MBD2: variants seen among roughly 807,000 people sequenced by gnomAD.
MBD2 encodes methyl-CpG binding domain protein 2, also known as methyl-CpG-binding domain protein 2.
MBD2 carries 9 observed loss-of-function variants against 39.3 expected under a neutral mutation model. The ratio of observed to expected loss-of-function variants is 0.23; its 90% CI spans 0.14 to 0.40. The LOEUF (loss-of-function observed/expected upper bound fraction) is 0.40. Among genes scored for constraint, MBD2 ranks in the 10% least tolerant of loss-of-function variants. The pLI, the probability that MBD2 is intolerant of heterozygous loss-of-function variation, is 1.00. For missense variants in MBD2, 458 were observed against 532.6 expected, an observed-to-expected ratio of 0.86 and a Z score of 1.38; for synonymous variants, 233 against 211.1, an observed-to-expected ratio of 1.10 and a Z score of -0.90.
intron 3 of MBD2, among the ~76,000 whole-genome samples, chr18:54,185,803 G>T (rs1157248838): frequency 6.6e-6 from 1 of 151,956 alleles, no homozygotes; most frequent in African/African-American, 2.4e-5. Flanking sequence ...ATACAAAAAT[G>T]GCTGGCTACT....
At position 54,208,054 on chromosome 18, in the gene MBD2, A is replaced by AAAC. The variant is rs202240027; in HGVS notation, c.543-2900_543-2898dup. On this transcript the variant is annotated intron_variant, in intron 1 of 6. Coordinates refer to ENST00000256429, the MANE Select transcript of MBD2 (RefSeq NM_003927.5). ...GTCTGTCTCAAAAAACAACAACAAA[A>AAAC]AACAACAACAACAACAAAAAGCTGC... 3.3e-5 allele frequency among the ~76,000 whole-genome samples: 5 copies of AAAC among 151,756 alleles called. No homozygotes were observed. The East Asian group carries it at 5.9e-4, about 18-fold the overall frequency.
intron 2 of MBD2, among the ~76,000 whole-genome samples, chr18:54,195,854 G>C (rs1209273727): frequency 6.6e-6 from 1 of 152,130 alleles, no homozygotes; most frequent in Non-Finnish European, 1.5e-5. Context: ...AATTTAACCT[G>C]TTAAGTTTTC....
intron 5 of MBD2, among the ~76,000 whole-genome samples, chr18:54,163,306 A>T (rs1346225481): frequency 1.3e-5 from 2 of 152,090 alleles, no homozygotes; most frequent in Non-Finnish European, 2.9e-5. Flanking sequence ...AATATAAAAC[A>T]TCTTAAAATT....
Position 54,164,761 on chromosome 18 carries a change from G to A in MBD2, c.932-61C>T. The A allele has an allele frequency of 2.2e-6, 3 of 1,380,664 alleles. No individual in the cohort carries two copies. The East Asian group carries it at 7.0e-5, about 32-fold the overall frequency. 85.5% of individuals were successfully genotyped at this position (1,380,664 alleles called of 1,614,324 possible). A position where few individuals can be genotyped will look rare whatever the true frequency, so the allele number is the denominator to read the frequency against. On this transcript the variant is annotated intron_variant, in intron 4 of 6. Transcript: ENST00000256429. ...TCTCAATGTGCTGAGCAAACTTTAT[G>A]TGACATAAAACAACTGATATTTTTA... is the stretch of plus-strand genomic sequence containing the variant.
At chr18:54,219,359 G>T (rs1009811275) in intron 1 of MBD2, among the ~76,000 whole-genome samples, 4 of 152,106 alleles carry the variant, frequency 2.6e-5, no homozygotes, top group African/African-American at 9.7e-5. Context: ...TCATTTTAAG[G>T]CTTGTTTTAC....
intron 3 of MBD2, 79 bp downstream of exon 3, chr18:54,188,795 G>T: frequency 6.9e-7 from 1 of 1,447,348 alleles, no homozygotes; most frequent in Non-Finnish European, 9.4e-7. Context: ...ATTTTAACCA[G>T]AATTTATTTG....
intron 2 of MBD2, among the ~76,000 whole-genome samples, chr18:54,193,786 A>G (rs943342998): frequency 6.6e-6 from 1 of 152,188 alleles, no homozygotes; most frequent in African/African-American, 2.4e-5. Context: ...TACCATGGTC[A>G]GAAAGGAGGA....
intron 3 of MBD2, among the ~76,000 whole-genome samples, chr18:54,183,951 ATTCC>A (rs2086266970): frequency 6.6e-6 from 1 of 152,160 alleles, no homozygotes; most frequent in Non-Finnish European, 1.5e-5. Context: ...CCACCAGGAT[ATTCC>A]TTCAAGTTCA....
chr18:54,176,860 T>A (rs1462870656), intron 3 of MBD2, among the ~76,000 whole-genome samples: 1 of 152,218 alleles, frequency 6.6e-6, no homozygotes, highest in Non-Finnish European at 1.5e-5. Context: ...CAAACTACAA[T>A]GTGATCTCTC....
At chr18:54,214,033 T>C (rs946683040) in intron 1 of MBD2, among the ~76,000 whole-genome samples, 1 of 150,134 alleles carries the variant, frequency 6.7e-6, no homozygotes, top group Admixed American at 6.6e-5. Flanking sequence ...ACAACAAACA[T>C]TGCCTGATAA....
At chr18:54,211,407 A>ACACACACG (rs1555663817) in intron 1 of MBD2, among the ~76,000 whole-genome samples, 3 of 151,158 alleles carry the variant, frequency 2.0e-5, no homozygotes, top group Admixed American at 1.3e-4. Context: ...ACACACACAC[A>ACACACACG]CACACACGCA....
intron 1 of MBD2, among the ~76,000 whole-genome samples, chr18:54,220,368 C>T (rs559989438): frequency 6.6e-6 from 1 of 152,180 alleles, no homozygotes; most frequent in Non-Finnish European, 1.5e-5. Flanking sequence ...GTAATCCTGA[C>T]AGAAGGCATA....
chr18:54,207,665 C>T (rs2086461177), intron 1 of MBD2, among the ~76,000 whole-genome samples: 1 of 152,148 alleles, frequency 6.6e-6, no homozygotes, highest in Non-Finnish European at 1.5e-5. Context: ...TGTTTTACCA[C>T]ATAAGAAATA....
chr18:54,159,341 A>G lies in MBD2; in HGVS notation c.*12+424T>C, dbSNP rs112152035. Among the ~76,000 whole-genome samples the G allele has an allele frequency of 4.3e-3, 649 of 152,348 alleles. 6 individuals are homozygous for G. Among genetic ancestry groups the G allele is most frequent in the South Asian group, 0.013 (65 of 4,828 alleles). ...AGAAGAAACAAACAACAGCACATGCAGAACCCGAGCAGAGGAGTAGCTTTT... is the reference window on the plus strand; with the variant it reads ...AGAAGAAACAAACAACAGCACATGCGGAACCCGAGCAGAGGAGTAGCTTTT... On this transcript the variant is annotated intron_variant, in intron 6 of 6. Coordinates refer to ENST00000256429, the MANE Select transcript of MBD2 (RefSeq NM_003927.5).
chr18:54,215,590 G>C (rs1006908631), intron 1 of MBD2, among the ~76,000 whole-genome samples: 1 of 150,148 alleles, frequency 6.7e-6, no homozygotes, highest in Non-Finnish European at 1.5e-5. Flanking sequence ...CCAACTCCCT[G>C]GTTCAAGCAA....
chr18:54,224,211 C>G lies in MBD2; in HGVS notation c.349G>C (p.Gly117Arg). The change falls in exon 1 of 7, where the codon GGT becomes CGT. Residue 117 changes from glycine (G) to arginine (R), a missense_variant. By Grantham distance (125) the Gly-to-Arg change is moderately radical. This residue lies in a region of MBD2 where 269 missense variants were observed against 236.0 expected (regional missense o/e 1.14). Coordinates refer to ENST00000256429, the MANE Select transcript of MBD2 (RefSeq NM_003927.5). ...TCCCGCCGGGGGGCGCCGCCGCCAC[C>G]GCTGCCGCCGCCGCCGCAGCCGCCG... ...DGGGCGGGGS[G>R]GGGAPRREPV... The G allele has an allele frequency of 1.8e-6, 2 of 1,138,918 alleles. No homozygotes were observed. Among genetic ancestry groups the G allele is most frequent in the Non-Finnish European group, 2.2e-6 (2 of 927,910 alleles). 70.6% of individuals were successfully genotyped at this position (1,138,918 alleles called of 1,614,324 possible). A position where few individuals can be genotyped will look rare whatever the true frequency, so the allele number is the denominator to read the frequency against.
At chr18:54,197,729 G>C (rs746206621) in intron 2 of MBD2, among the ~76,000 whole-genome samples, 1 of 152,028 alleles carries the variant, frequency 6.6e-6, no homozygotes, top group Admixed American at 6.6e-5. Context: ...CCACGGGCAC[G>C]CGTCTAGATC....
chr18:54,207,247 A>C (rs1368619749), intron 1 of MBD2, among the ~76,000 whole-genome samples: 1 of 152,196 alleles, frequency 6.6e-6, no homozygotes, highest in Non-Finnish European at 1.5e-5. Context: ...TCTTCCAGTC[A>C]TGTCTTTCCA....
intron 1 of MBD2, among the ~76,000 whole-genome samples, chr18:54,221,661 G>T (rs1180815612): frequency 6.6e-6 from 1 of 151,786 alleles, no homozygotes; most frequent in Non-Finnish European, 1.5e-5. Context: ...TGTAGTCCCA[G>T]CTACTTGGGA....
Sources: allele counts gnomAD v4.1 joint callset (sites outside exome capture counted in the v4.1 genomes callset), GRCh38; gene constraint gnomAD v4.1.1; regional missense constraint gnomAD v4.1.1; transcripts MANE v1.5; gene names NCBI Gene and HGNC (gene_info 2026-07-23, HGNC 2026-07-21).